The following PUDP variants were observed in gnomAD, a reference collection of about 807,000 sequenced individuals.
PUDP encodes pseudouridine-5'-phosphatase.
A neutral mutation model predicts 9.4 loss-of-function variants in PUDP; 8 were observed. That is an observed-to-expected ratio of 0.85 (90% CI 0.50 to 1.53). The LOEUF (loss-of-function observed/expected upper bound fraction) is 1.53, where lower values mean the gene tolerates loss of function less well. PUDP is among the 40% of genes most tolerant of loss of function. The pLI is 0.00. For synonymous variants in PUDP, 99 were observed against 80.7 expected, an observed-to-expected ratio of 1.23 and a Z score of -1.22; for missense variants, 188 against 189.7, an observed-to-expected ratio of 0.99 and a Z score of 0.05.
chrX:6,993,371 A>G (rs1929211555), intron 1 of PUDP, among the ~76,000 whole-genome samples: 1 of 112,103 alleles, frequency 8.9e-6, no homozygotes, highest in South Asian at 3.7e-4. Flanking sequence ...TTACAGAAAG[A>G]TAACAAAATG....
chrX:6,814,176 G>T (rs191729351), intron 3 of PUDP, among the ~76,000 whole-genome samples: 1 of 111,304 alleles, frequency 9.0e-6, no homozygotes, highest in African/African-American at 3.3e-5. Context: ...GTGGCACCAG[G>T]TTTCTTTTTT....
At position 6,918,720 on chromosome X, in the gene PUDP, T is replaced by C. The variant is rs550170372; in HGVS notation, c.*247+58413A>G. Among the ~76,000 whole-genome samples the C allele has an allele frequency of 1.9e-4, 21 of 111,777 alleles. No homozygotes were observed. In the East Asian group the frequency reaches 5.6e-3, roughly 30 times the overall value. On this transcript the variant is annotated intron_variant and NMD_transcript_variant, in intron 3 of 3. Transcript: ENST00000655425. ...TCACTGTAACCTCACGTAGTGGAAGTGGGATCTCTTTGAGATCTCTTTCAT... is the reference window on the plus strand; with the variant it reads ...TCACTGTAACCTCACGTAGTGGAAGCGGGATCTCTTTGAGATCTCTTTCAT...
At chrX:7,039,433 T>A (rs1022460676) in intron 1 of PUDP, among the ~76,000 whole-genome samples, 7 of 111,934 alleles carry the variant, frequency 6.3e-5, no homozygotes, top group African/African-American at 2.3e-4. Flanking sequence ...GGAATGTGAT[T>A]GTATTTGGAG....
chrX:6,806,811 T>C (rs1361658646), intron 3 of PUDP, among the ~76,000 whole-genome samples: 1 of 112,691 alleles, frequency 8.9e-6, no homozygotes, highest in African/African-American at 3.2e-5. Context: ...CCAGGAATTA[T>C]GGTTGGCAAT....
At chrX:6,776,094 C>T (rs1370452545) in intron 3 of PUDP, among the ~76,000 whole-genome samples, 3 of 111,722 alleles carry the variant, frequency 2.7e-5, no homozygotes, top group Non-Finnish European at 5.6e-5. Flanking sequence ...TTAAAGGTTC[C>T]CCATTGAGTG....
At chrX:6,953,272 C>A (rs915534289) in intron 3 of PUDP, among the ~76,000 whole-genome samples, 2 of 111,036 alleles carry the variant, frequency 1.8e-5, no homozygotes, top group African/African-American at 6.5e-5. Context: ...TAATTCAATT[C>A]CATCTTTGTT....
Position 6,876,974 on chromosome X carries a change from C to CACACACACACAT in PUDP, c.*247+100158_*247+100159insATGTGTGTGTGT, listed in dbSNP as rs538914519. ...GTACACACACACACACACACACACA[C>CACACACACACAT]ACATAACACTTTAGATGCAGGGTCT... is the stretch of plus-strand genomic sequence containing the variant. On this transcript the variant is annotated intron_variant and NMD_transcript_variant, in intron 3 of 3. Transcript: ENST00000655425. Among the ~76,000 whole-genome samples the CACACACACACAT allele has an allele frequency of 4.6e-4, 49 of 107,376 alleles. 1 individual carries two copies. The South Asian group carries it at 9.5e-3, about 21-fold the overall frequency. 93.2% of individuals were successfully genotyped at this position (107,376 alleles called of 115,157 possible). A position where few individuals can be genotyped will look rare whatever the true frequency, so the allele number is the denominator to read the frequency against.
At chrX:6,828,695 C>A (rs1280408508) in intron 3 of PUDP, among the ~76,000 whole-genome samples, 1 of 111,386 alleles carries the variant, frequency 9.0e-6, no homozygotes, top group African/African-American at 3.3e-5. Flanking sequence ...ATCCTCTGTT[C>A]TCTGCATATT....
chrX:6,839,409 G>A (rs939125288), intron 3 of PUDP, among the ~76,000 whole-genome samples: 5 of 111,186 alleles, frequency 4.5e-5, no homozygotes, highest in African/African-American at 1.6e-4. Context: ...TGCCAAAAGA[G>A]GAGCAGTCGT....
At chrX:7,066,823 T>C (rs1930568344) in intron 3 of PUDP, among the ~76,000 whole-genome samples, 1 of 112,319 alleles carries the variant, frequency 8.9e-6, no homozygotes, top group Non-Finnish European at 1.9e-5. Context: ...TGCTGGAAAG[T>C]ATTTCCAGAG....
chrX:6,794,619 G>A (rs767719546), intron 3 of PUDP, among the ~76,000 whole-genome samples: 6 of 106,180 alleles, frequency 5.7e-5, no homozygotes, highest in African/African-American at 1.0e-4. Context: ...CGCCCAGGCC[G>A]GAGTGCAGTG....
At chrX:7,106,124 A>G (rs1931876245) in intron 1 of PUDP, among the ~76,000 whole-genome samples, 1 of 112,632 alleles carries the variant, frequency 8.9e-6, no homozygotes. Flanking sequence ...AAATGTACGT[A>G]TTTGAATCTA....
intron 2 of PUDP, among the ~76,000 whole-genome samples, chrX:7,093,758 T>G (rs1170819667): frequency 1.8e-5 from 2 of 111,733 alleles, no homozygotes; most frequent in African/African-American, 6.5e-5. Flanking sequence ...TCTTGTTCAT[T>G]ATCCTATACT....
chrX:6,866,308 C>T lies in PUDP; in HGVS notation c.*247+110825G>A, dbSNP rs138609283. Among the ~76,000 whole-genome samples, 859 of 106,544 alleles carry T rather than the reference C, an allele frequency of 8.1e-3. 7 individuals carry two copies. Among genetic ancestry groups the T allele is most frequent in the African/African-American group, 0.027 (779 of 29,136 alleles). 92.5% of individuals were successfully genotyped at this position (106,544 alleles called of 115,157 possible). A position where few individuals can be genotyped will look rare whatever the true frequency, so the allele number is the denominator to read the frequency against. ...ATACCACAGAATGCAAGATAGTATA[C>T]GGTTGTTAAATTTTTAAAAATTCAT... On this transcript the variant is annotated intron_variant and NMD_transcript_variant, in intron 3 of 3. Coordinates refer to the PUDP transcript ENST00000655425.
chrX:6,976,163 G>C (rs1230446232), intron 3 of PUDP, among the ~76,000 whole-genome samples: 2 of 111,951 alleles, frequency 1.8e-5, no homozygotes, highest in African/African-American at 6.5e-5. Flanking sequence ...CACTGATCTA[G>C]GCCACTTGGC....
intron 2 of PUDP, among the ~76,000 whole-genome samples, chrX:7,081,539 T>C (rs1931086745): frequency 8.9e-6 from 1 of 111,814 alleles, no homozygotes; most frequent in Non-Finnish European, 1.9e-5. Flanking sequence ...CACACACCAA[T>C]GTGTCTAGAC....
chrX:6,934,116 C>G (rs1928253828), intron 3 of PUDP, among the ~76,000 whole-genome samples: 1 of 103,769 alleles, frequency 9.6e-6, no homozygotes, highest in Non-Finnish European at 2.0e-5. Context: ...CGTTCAGATT[C>G]AGGAAATACA....
intron 3 of PUDP, among the ~76,000 whole-genome samples, chrX:6,923,597 T>A (rs1427525965): frequency 9.0e-6 from 1 of 111,505 alleles, no homozygotes; most frequent in East Asian, 2.8e-4. Flanking sequence ...TCAAGATGTA[T>A]CCAGAAATCA....
intron 1 of PUDP, among the ~76,000 whole-genome samples, chrX:7,134,278 C>T (rs1932689317): frequency 8.9e-6 from 1 of 112,132 alleles, no homozygotes; most frequent in South Asian, 3.7e-4. Context: ...TAGATGTCAG[C>T]TGGTGAGAGT....
Sources: allele counts gnomAD v4.1 joint callset (sites outside exome capture counted in the v4.1 genomes callset), GRCh38; gene constraint gnomAD v4.1.1; transcripts MANE v1.5; gene names NCBI Gene and HGNC (gene_info 2026-07-23, HGNC 2026-07-21).